Variants in BRINP3 observed in about 807,000 individuals in gnomAD.
The protein encoded by BRINP3 is BMP/retinoic acid inducible neural specific 3.
A neutral mutation model predicts 71.0 loss-of-function variants in BRINP3; 19 were observed. The ratio of observed to expected loss-of-function variants is 0.27; its 90% CI spans 0.19 to 0.39. The LOEUF (loss-of-function observed/expected upper bound fraction) is 0.39. Ranked by LOEUF, BRINP3 falls within the 10% of genes least tolerant of loss-of-function variation. The pLI is 1.00. For missense variants in BRINP3, 959 were observed against 940.8 expected, an observed-to-expected ratio of 1.02 and a Z score of -0.25; for synonymous variants, 380 against 337.7, an observed-to-expected ratio of 1.13 and a Z score of -1.37.
chr1:190,335,193 G>A (rs1434441445), intron 2 of BRINP3, among the ~76,000 whole-genome samples: 2 of 151,772 alleles, frequency 1.3e-5, no homozygotes, highest in Admixed American at 1.3e-4. Flanking sequence ...TGACAAAATA[G>A]GCTGAAGTGA....
chr1:190,468,133 G>A lies in BRINP3; in HGVS notation c.-51+9315C>T, dbSNP rs1676884217. ...AATAGTTAATAATTGTCTGGTTTCA[G>A]ATCTTGAGCAAATTGTCTTCAGCTT... On this transcript the variant is annotated intron_variant, in intron 1 of 7. Coordinates refer to ENST00000367462, the MANE Select transcript of BRINP3 (RefSeq NM_199051.3). Among the ~76,000 whole-genome samples, 8 of 151,428 alleles carry A rather than the reference G, an allele frequency of 5.3e-5. No homozygotes were observed. The South Asian group carries it at 1.7e-3, about 31-fold the overall frequency.
At chr1:190,442,180 T>C (rs1490491906) in intron 2 of BRINP3, among the ~76,000 whole-genome samples, 2 of 152,216 alleles carry the variant, frequency 1.3e-5, no homozygotes, top group Non-Finnish European at 2.9e-5. Context: ...AAAAATTTGC[T>C]TTCATATAAT....
At chr1:190,221,936 A>T (rs1273419701) in intron 6 of BRINP3, among the ~76,000 whole-genome samples, 1 of 152,118 alleles carries the variant, frequency 6.6e-6, no homozygotes, top group Non-Finnish European at 1.5e-5. Flanking sequence ...AGTAGAGCTA[A>T]AAATATATAT....
At chr1:190,419,922 G>A (rs1357465968) in intron 2 of BRINP3, among the ~76,000 whole-genome samples, 1 of 151,786 alleles carries the variant, frequency 6.6e-6, no homozygotes, top group Non-Finnish European at 1.5e-5. Flanking sequence ...TTTCAAATGG[G>A]GTTGGCATTT....
intron 4 of BRINP3, among the ~76,000 whole-genome samples, chr1:190,252,471 T>C (rs973312823): frequency 6.6e-6 from 1 of 152,098 alleles, no homozygotes; most frequent in Non-Finnish European, 1.5e-5. Context: ...TATGAGGATA[T>C]AGAAAGATTA....
chr1:190,237,411 G>A (rs1658626087), intron 4 of BRINP3, among the ~76,000 whole-genome samples: 1 of 151,506 alleles, frequency 6.6e-6, no homozygotes, highest in Non-Finnish European at 1.5e-5. Flanking sequence ...AAATAAAAAT[G>A]TAAAGAAAAT....
chr1:190,119,825 T>C lies in BRINP3; in HGVS notation c.1185-20691A>G, dbSNP rs114850894. On this transcript the variant is annotated intron_variant, in intron 7 of 7. Coordinates refer to ENST00000367462, the MANE Select transcript of BRINP3 (RefSeq NM_199051.3). ...GGAGTCCCAGATTCTGAAATAAGCATCATCTAACATGGAGAACTGTTGTGC... is the reference window on the plus strand; with the variant it reads ...GGAGTCCCAGATTCTGAAATAAGCACCATCTAACATGGAGAACTGTTGTGC... 7.6e-3 allele frequency among the ~76,000 whole-genome samples: 1,156 copies of C among 152,318 alleles called. 10 individuals carry two copies. The highest frequency in any genetic ancestry group is 0.013 in the Non-Finnish European group (901 of 68,020).
intron 2 of BRINP3, among the ~76,000 whole-genome samples, chr1:190,330,524 T>C (rs1666895966): frequency 6.6e-6 from 1 of 152,090 alleles, no homozygotes; most frequent in South Asian, 2.1e-4. Flanking sequence ...ACTTACACAC[T>C]GTTGGTAGGA....
chr1:190,367,594 A>G (rs1369443959), intron 2 of BRINP3, among the ~76,000 whole-genome samples: 1 of 152,200 alleles, frequency 6.6e-6, no homozygotes, highest in Non-Finnish European at 1.5e-5. Flanking sequence ...TTTCTTTTCT[A>G]TCACATCATC....
intron 2 of BRINP3, among the ~76,000 whole-genome samples, chr1:190,340,938 C>T (rs141299593): frequency 5.3e-5 from 8 of 151,650 alleles, no homozygotes; most frequent in African/African-American, 1.9e-4. Context: ...CTTTTTAAGG[C>T]TTAAAGATGT....
At chr1:190,351,169 T>C (rs1015834530) in intron 2 of BRINP3, among the ~76,000 whole-genome samples, 7 of 152,082 alleles carry the variant, frequency 4.6e-5, no homozygotes, top group African/African-American at 1.4e-4. Flanking sequence ...AGAATGTCAC[T>C]TAAGAGAATA....
chr1:190,323,210 A>G (rs1434496010), intron 2 of BRINP3, among the ~76,000 whole-genome samples: 2 of 152,072 alleles, frequency 1.3e-5, no homozygotes, highest in Non-Finnish European at 2.9e-5. Flanking sequence ...ACAAATAAGG[A>G]GAAAAGTGAT....
intron 6 of BRINP3, among the ~76,000 whole-genome samples, chr1:190,186,678 G>A (rs1653556553): frequency 6.6e-6 from 1 of 151,898 alleles, no homozygotes; most frequent in East Asian, 1.9e-4. Flanking sequence ...AGCACCTCAC[G>A]TCTCAATAAA....
chr1:190,394,625 A>C, intron 2 of BRINP3, among the ~76,000 whole-genome samples: 1 of 151,656 alleles, frequency 6.6e-6, no homozygotes. Flanking sequence ...TTAAAATTAA[A>C]GCATAGCAAA....
chr1:190,373,135 A>G, intron 2 of BRINP3, among the ~76,000 whole-genome samples: 1 of 152,290 alleles, frequency 6.6e-6, no homozygotes, highest in South Asian at 2.1e-4. Context: ...GAATAAAATT[A>G]AAATAGATAT....
At chr1:190,134,370 G>A (rs1654800182) in intron 7 of BRINP3, among the ~76,000 whole-genome samples, 2 of 152,006 alleles carry the variant, frequency 1.3e-5, no homozygotes, top group South Asian at 2.1e-4. Context: ...GAGTGACAAA[G>A]CAGGATTATG....
At chr1:190,185,412 C>A (rs968617242) in intron 6 of BRINP3, among the ~76,000 whole-genome samples, 16 of 152,058 alleles carry the variant, frequency 1.1e-4, no homozygotes, top group Admixed American at 3.3e-4. Flanking sequence ...CATTTCACAT[C>A]TCTCAGGATA....
chr1:190,152,165 T>C (rs909158001), intron 7 of BRINP3, among the ~76,000 whole-genome samples: 8 of 152,076 alleles, frequency 5.3e-5, no homozygotes, highest in African/African-American at 1.9e-4. Flanking sequence ...CTTAGATAAA[T>C]TTATTATTTT....
At chr1:190,175,025 G>A (rs187634802) in intron 6 of BRINP3, among the ~76,000 whole-genome samples, 3 of 152,092 alleles carry the variant, frequency 2.0e-5, no homozygotes, top group African/African-American at 4.8e-5. Flanking sequence ...AGTCATAAAA[G>A]ATATAAATGA....
Sources: gnomAD v4.1 joint callset for allele counts (sites outside exome capture counted in the v4.1 genomes callset) on GRCh38, gnomAD v4.1.1 for gene constraint, MANE v1.5 for transcripts, NCBI Gene and HGNC (gene_info 2026-07-23, HGNC 2026-07-21) for gene names.